The following CELSR3 variants were observed in gnomAD, a reference collection of about 807,000 sequenced individuals.
The protein encoded by CELSR3 is cadherin EGF LAG seven-pass G-type receptor 3.
Under a neutral mutation model 270.0 loss-of-function variants are expected in CELSR3, and 73 were observed. The observed-to-expected ratio is 0.27, with a 90% confidence interval of 0.22 to 0.33. CELSR3 has a LOEUF of 0.33. CELSR3 is among the 10% of genes least tolerant of loss of function. CELSR3 has a pLI of 1.00. For missense variants in CELSR3, 3,614 were observed against 4,533.8 expected (o/e 0.80, Z 5.83); for synonymous variants, 1,780 against 1,905.4 (o/e 0.93, Z 1.71).
At position 48,658,110 on chromosome 3, in the gene CELSR3, C is replaced by T. The variant is rs1357675720; in HGVS notation, c.3749-762G>A. Reference sequence around the variant, plus strand: ...CTGCCTTGTTCGTCTTGTCCCCACACCCTAGCACATACTGGGTGGTCAATA... The same window carrying T: ...CTGCCTTGTTCGTCTTGTCCCCACATCCTAGCACATACTGGGTGGTCAATA... On this transcript the variant is annotated intron_variant, in intron 1 of 34. Transcript: ENST00000164024. This position sits in a 1 kb window ranked among gnomAD's most constrained non-coding sequence, Gnocchi z 4.7. Among the ~76,000 whole-genome samples the T allele has an allele frequency of 6.6e-6, 1 of 152,218 alleles. No homozygotes were observed. Among genetic ancestry groups the T allele is most frequent in the African/African-American group, 2.4e-5 (1 of 41,444 alleles).
In CELSR3 at chr3:48,648,381, C is replaced by G. The variant is rs1317863955; in HGVS notation, c.6858G>C (p.Gly2286=). ...LWAALGQRAP[G]GSPGSAGLVR... ...CCAGTCCCGCGCTGCCTGGGGAGCC[C>G]CCAGGGGCCCGCTGCCCCAGCGCCG... The change falls in exon 19 of 35, where the codon GGG becomes GGC. Residue 2286 remains glycine (G), a synonymous_variant. Transcript: ENST00000164024. 2 of 1,611,458 alleles carry G rather than the reference C, an allele frequency of 1.2e-6. No individual in the cohort carries two copies. Among genetic ancestry groups the G allele is most frequent in the Non-Finnish European group, 8.5e-7 (1 of 1,179,452 alleles).
At position 48,655,879 on chromosome 3, in the gene CELSR3, G is replaced by T. The variant is rs771135551; in HGVS notation, c.4626-28C>A. On this transcript the variant is annotated intron_variant, in intron 3 of 34. Transcript: ENST00000164024. The surrounding 1 kb of genome is among the most constrained non-coding windows in gnomAD (Gnocchi z 5.8). Reference sequence around the variant, plus strand: ...GGGCGGGGTGGGAGGGGGTTGCGGGGGTGGGAGCGTCAGGAGCAGGGTACC... The same window carrying T: ...GGGCGGGGTGGGAGGGGGTTGCGGGTGTGGGAGCGTCAGGAGCAGGGTACC... 1 of 1,312,626 alleles carries T rather than the reference G, an allele frequency of 7.6e-7. No homozygotes were observed. The highest frequency in any genetic ancestry group is 1.2e-5 in the South Asian group (1 of 80,896). 81.3% of individuals were successfully genotyped at this position (1,312,626 alleles called of 1,614,324 possible).
rs2047165067 is a variant in CELSR3, at chr3:48,654,660, G to C, written c.4989-208C>G. ...GGGCCGATGGTCTGGGGAAAGGTAG[G>C]TGAATGGGGGTTGAGAGCTATGATG... On this transcript the variant is annotated intron_variant, in intron 6 of 34. Coordinates refer to ENST00000164024, the MANE Select transcript of CELSR3 (RefSeq NM_001407.3). This position sits in a 1 kb window ranked among gnomAD's most constrained non-coding sequence, Gnocchi z 5.4. Among the ~76,000 whole-genome samples, 1 of 152,066 alleles carries C rather than the reference G, an allele frequency of 6.6e-6. No homozygotes were observed. The highest frequency in any genetic ancestry group is 6.6e-5 in the Admixed American group (1 of 15,266).
chr3:48,637,955 T>A lies in CELSR3; in HGVS notation c.*250A>T. The A allele has an allele frequency of 1.6e-4, 59 of 361,886 alleles. No homozygotes were observed. The Middle Eastern group carries it at 3.1e-3, about 19-fold the overall frequency. 22.4% of individuals were successfully genotyped at this position (361,886 alleles called of 1,614,324 possible). A position where few individuals can be genotyped will look rare whatever the true frequency, so the allele number is the denominator to read the frequency against. ...GAGACAGAAAAGCTGAAAAATAACA[T>A]AAGCATCTCTCTGGTTACAAAGGTA... On this transcript the variant is annotated 3_prime_UTR_variant, in exon 35 of 35. Coordinates refer to ENST00000164024, the MANE Select transcript of CELSR3 (RefSeq NM_001407.3).
At position 48,661,734 on chromosome 3, in the gene CELSR3, G is replaced by C. The variant is rs1262245682; in HGVS notation, c.901C>G (p.Arg301Gly). Residue 301 changes from arginine to glycine, a missense_variant, in exon 1 of 35, where the codon CGT (arginine) becomes GGT (glycine). Coordinates refer to ENST00000164024, the MANE Select transcript of CELSR3 (RefSeq NM_001407.3). ...GAGGTTACTTTCCTGGCTTCAGGAC[G>C]GGCCGGGAGTCCCGGGGGACGCGGC... ...PGPRPPGLPA[R>G]PEARKVTSAN... is the part of the protein sequence containing the mutation. The C allele has an allele frequency of 3.2e-6, 5 of 1,578,356 alleles. No individual in the cohort carries two copies. Among genetic ancestry groups the C allele is most frequent in the South Asian group, 1.2e-5 (1 of 86,232 alleles).
At position 48,648,247 on chromosome 3, in the gene CELSR3, T is replaced by TCCCCCC; in HGVS notation, c.6973+18_6973+19insGGGGGG. Reference sequence around the variant, plus strand: ...ATGGCCCCCCTGCTGTGCCCCGCCCTACCCCACCCACAACGCACTGATATT... The same window carrying TCCCCCC: ...ATGGCCCCCCTGCTGTGCCCCGCCCTCCCCCCACCCCACCCACAACGCACTGATATT... On this transcript the variant is annotated intron_variant, in intron 19 of 34. Coordinates refer to ENST00000164024, the MANE Select transcript of CELSR3 (RefSeq NM_001407.3). 3 of 584,574 alleles carry TCCCCCC rather than the reference T, an allele frequency of 5.1e-6. No homozygotes were observed. The highest frequency in any genetic ancestry group is 2.7e-5 in the Admixed American group (1 of 36,546). 36.2% of individuals were successfully genotyped at this position (584,574 alleles called of 1,614,324 possible).
At chr3:48,648,119 G>C in intron 19 of CELSR3, 123 bp from the exon 20 acceptor site, 1 of 1,449,892 alleles carries the variant, frequency 6.9e-7, no homozygotes, top group Non-Finnish European at 9.4e-7. Context: ...TACCAGCTCG[G>C]AGCCTGTCCC....
Position 48,658,799 on chromosome 3 carries a change from T to C in CELSR3, c.3748+88A>G. On this transcript the variant is annotated intron_variant, in intron 1 of 34. Coordinates refer to ENST00000164024, the MANE Select transcript of CELSR3 (RefSeq NM_001407.3). The surrounding 1 kb of genome is among the most constrained non-coding windows in gnomAD (Gnocchi z 4.7). Reference sequence around the variant, plus strand: ...AAGGGGTTCTTGGAAGGCTTAGAAATCCCTCTTTGGTTTGAGGTGCCCTGT... The same window carrying C: ...AAGGGGTTCTTGGAAGGCTTAGAAACCCCTCTTTGGTTTGAGGTGCCCTGT... 1.3e-6 allele frequency: 2 copies of C among 1,501,832 alleles called. No homozygotes were observed. The highest frequency in any genetic ancestry group is 1.8e-6 in the Non-Finnish European group (2 of 1,105,260). 93.0% of individuals were successfully genotyped at this position (1,501,832 alleles called of 1,614,324 possible).
Position 48,662,707 on chromosome 3 carries a change from C to A in CELSR3, c.-73G>T, listed in dbSNP as rs1559483523. On this transcript the variant is annotated 5_prime_UTR_variant, in exon 1 of 35. Coordinates refer to ENST00000164024, the MANE Select transcript of CELSR3 (RefSeq NM_001407.3). This position sits in a 1 kb window ranked among gnomAD's most constrained non-coding sequence, Gnocchi z 7.1. The stretch of plus-strand genomic sequence containing the variant: ...CCTTGGGCTGGCCCCGCCGCTCGGG[C>A]CCCCTCCCGGGCCCCTGCCGCCGCC... 1 of 646,396 alleles carries A rather than the reference C, an allele frequency of 1.5e-6. No individual in the cohort carries two copies. Among genetic ancestry groups the A allele is most frequent in the Non-Finnish European group, 2.2e-6 (1 of 457,676 alleles). 40.0% of individuals were successfully genotyped at this position (646,396 alleles called of 1,614,324 possible).
Position 48,662,529 on chromosome 3 carries a change from C to T in CELSR3, c.106G>A (p.Gly36Ser), listed in dbSNP as rs758489745. The T allele has an allele frequency of 1.8e-5, 29 of 1,605,788 alleles. No individual in the cohort carries two copies. Among genetic ancestry groups the T allele is most frequent in the Non-Finnish European group, 2.2e-5 (26 of 1,175,918 alleles). ...LFPLSQEELGGGGHQGWDPGL... is the reference protein window; with the variant it reads ...LFPLSQEELGSGGHQGWDPGL... ...GGGTCCCAGCCCTGGTGCCCACCGC[C>T]CCCCAGCTCCTCCTGGCTGAGGGGG... Residue 36 changes from glycine (G) to serine (S), a missense_variant, in exon 1 of 35, where the codon GGC becomes AGC. Gly to Ser is a moderately conservative substitution (Grantham distance 56). Around this residue, in one of 7 missense-constraint regions of CELSR3, gnomAD observed 470 missense variants for 469.7 expected, o/e 1.00. Transcript: ENST00000164024. This position sits in a 1 kb window ranked among gnomAD's most constrained non-coding sequence, Gnocchi z 7.1.
At position 48,640,667 on chromosome 3, in the gene CELSR3, G is replaced by A. The variant is rs2047017609; in HGVS notation, c.9026-108C>T. 8.0e-7 allele frequency: 1 copy of A among 1,247,690 alleles called. No homozygotes were observed. The highest frequency in any genetic ancestry group is 1.1e-6 in the Non-Finnish European group (1 of 923,236). 77.3% of individuals were successfully genotyped at this position (1,247,690 alleles called of 1,614,324 possible). A position where few individuals can be genotyped will look rare whatever the true frequency, so the allele number is the denominator to read the frequency against. On this transcript the variant is annotated intron_variant, in intron 33 of 34. Transcript: ENST00000164024. This position sits in a 1 kb window ranked among gnomAD's most constrained non-coding sequence, Gnocchi z 7.5. ...GCCCTTGGGATCCTTCCAACACAGG[G>A]ATGGGAGCAGGAACCCCTTGGGGAG...
At position 48,661,834 on chromosome 3, in the gene CELSR3, T is replaced by C. The variant is rs1284218541; in HGVS notation, c.801A>G (p.Thr267=). The C allele has an allele frequency of 6.2e-7, 1 of 1,609,982 alleles. No homozygotes were observed. The highest frequency in any genetic ancestry group is 1.7e-5 in the Admixed American group (1 of 59,908). ...TGCGCTTGGGCGCCGGCTCGGGAGC[T>C]GTCCGAGACTCGCGGGGTGCTGAAC... The part of the protein sequence containing the change: ...ASGSAPRESR[T]APEPAPKRMR... Residue 267 remains threonine (T), a synonymous_variant, in exon 1 of 35, where the codon ACA becomes ACG. Coordinates refer to ENST00000164024, the MANE Select transcript of CELSR3 (RefSeq NM_001407.3).
intron 2 of CELSR3, 143 bp downstream of exon 2, chr3:48,656,555 G>A (rs1490433364): frequency 2.4e-6 from 3 of 1,251,960 alleles, no homozygotes; most frequent in Non-Finnish European, 3.1e-6. Context: ...GGCCCCTTCC[G>A]GCCACGCTCT....
In CELSR3 at chr3:48,652,365, G is replaced by T; in HGVS notation, c.5751+72C>A. The T allele has an allele frequency of 8.1e-7, 1 of 1,227,100 alleles. No homozygotes were observed. The highest frequency in any genetic ancestry group is 1.2e-6 in the Non-Finnish European group (1 of 828,910). The allele number at this position is 1,227,100 out of a possible 1,614,324, so 76.0% of individuals were successfully genotyped here. Reference sequence around the variant, plus strand: ...ACCCCCACTTGAATACTGCCTTTCAGGTCCCAAGGAGCCCCTGACTTCTGA... The same window carrying T: ...ACCCCCACTTGAATACTGCCTTTCATGTCCCAAGGAGCCCCTGACTTCTGA... On this transcript the variant is annotated intron_variant, in intron 11 of 34. Transcript: ENST00000164024. The surrounding 1 kb of genome is among the most constrained non-coding windows in gnomAD (Gnocchi z 4.3).
In CELSR3 at chr3:48,655,538, G is replaced by A; in HGVS notation, c.4742-144C>T. 1 of 939,112 alleles carries A rather than the reference G, an allele frequency of 1.1e-6. No individual in the cohort carries two copies. Among genetic ancestry groups the A allele is most frequent in the Non-Finnish European group, 1.7e-6 (1 of 598,596 alleles). 58.2% of individuals were successfully genotyped at this position (939,112 alleles called of 1,614,324 possible). ...GTGACCACAATGGCTGGCTCAGAGT[G>A]CCTTTGAACAGACAGGAGAAACAGA... is the stretch of plus-strand genomic sequence containing the variant. On this transcript the variant is annotated intron_variant, in intron 4 of 34. Coordinates refer to ENST00000164024, the MANE Select transcript of CELSR3 (RefSeq NM_001407.3). The surrounding 1 kb of genome is among the most constrained non-coding windows in gnomAD (Gnocchi z 5.8).
At chr3:48,648,989 G>C in intron 17 of CELSR3, 61 bp from the exon 18 acceptor site, 1 of 1,583,066 alleles carries the variant, frequency 6.3e-7, no homozygotes, top group Non-Finnish European at 8.6e-7. Context: ...AAGCTTCACA[G>C]GGAGAAAGCC....
intron 27 of CELSR3, 44 bp from the exon 28 acceptor site, chr3:48,643,721 C>T (rs2047051527): frequency 3.2e-6 from 5 of 1,545,428 alleles, no homozygotes; most frequent in African/African-American, 2.7e-5. Flanking sequence ...ATGCAAGGCT[C>T]ATGTAGGACT....
chr3:48,654,165 C>T lies in CELSR3; in HGVS notation c.5152+124G>A. Reference sequence around the variant, plus strand: ...GTTGGTAAGAGTCAGGCCCTAAAATCTGGGCTGTAGCATGGTGCTTGCCAC... The same window carrying T: ...GTTGGTAAGAGTCAGGCCCTAAAATTTGGGCTGTAGCATGGTGCTTGCCAC... On this transcript the variant is annotated intron_variant, in intron 7 of 34. Coordinates refer to ENST00000164024, the MANE Select transcript of CELSR3 (RefSeq NM_001407.3). This position sits in a 1 kb window ranked among gnomAD's most constrained non-coding sequence, Gnocchi z 5.4. The T allele has an allele frequency of 6.7e-7, 1 of 1,503,226 alleles. No homozygotes were observed. The highest frequency in any genetic ancestry group is 1.8e-4 in the Middle Eastern group (1 of 5,622). The allele number at this position is 1,503,226 out of a possible 1,614,324, so 93.1% of individuals were successfully genotyped here.
chr3:48,648,773 C>T lies in CELSR3; in HGVS notation c.6723G>A (p.Glu2241=). Residue 2241 remains glutamate, a synonymous_variant, in exon 18 of 35, where the codon GAG becomes GAA. Transcript: ENST00000164024. ...ARLLAHLLAF[E]SHQQGFGLTA... is the part of the protein sequence containing the mutation. ...TCAGCCCGAAGCCCTGCTGATGGCT[C>T]TCGAAGGCCAGCAGGTGGGCCAGCA... The T allele has an allele frequency of 6.2e-7, 1 of 1,612,974 alleles. No individual in the cohort carries two copies. The highest frequency in any genetic ancestry group is 1.3e-5 in the African/African-American group (1 of 75,046).
Sources: allele counts gnomAD v4.1 joint callset (sites outside exome capture counted in the v4.1 genomes callset), GRCh38; gene constraint gnomAD v4.1.1; regional missense constraint gnomAD v4.1.1; non-coding constraint Gnocchi (gnomAD v3.1); transcripts MANE v1.5; gene names NCBI Gene and HGNC (gene_info 2026-07-23, HGNC 2026-07-21).